The following MDM4 variants were observed in gnomAD, a reference collection of about 807,000 sequenced individuals.
MDM4 encodes the protein MDM4 regulator of p53, also known as protein Mdm4.
In MDM4, 2 loss-of-function variants were observed where a neutral mutation model predicts 60.2. That is an observed-to-expected ratio of 0.03 (90% CI 0.01 to 0.10). The LOEUF (loss-of-function observed/expected upper bound fraction) is 0.10. Ranked by LOEUF, MDM4 falls within the 10% of genes least tolerant of loss-of-function variation. The pLI is 1.00. For missense variants in MDM4, 447 were observed against 577.5 expected (o/e 0.77, Z 2.32); for synonymous variants, 202 against 198.1 (o/e 1.02, Z -0.17).
At chr1:204,529,190 G>C (rs1474559933) in intron 3 of MDM4, 4 of 771,110 alleles carry the variant, frequency 5.2e-6, no homozygotes, top group Non-Finnish European at 2.3e-6. Context: ...ACATTTATGT[G>C]GCCTGATTAG....
At chr1:204,539,044 T>G (rs1187852924) in intron 7 of MDM4, among the ~76,000 whole-genome samples, 2 of 152,022 alleles carry the variant, frequency 1.3e-5, no homozygotes, top group East Asian at 3.9e-4. Flanking sequence ...TAATTTTGTA[T>G]TTTTAGTAGA....
chr1:204,541,097 T>C (rs1662024257), intron 7 of MDM4, among the ~76,000 whole-genome samples: 1 of 152,240 alleles, frequency 6.6e-6, no homozygotes, highest in African/African-American at 2.4e-5. Context: ...TATTCCTTAA[T>C]GCAAATCCTT....
At chr1:204,527,643 CAAAA>C (rs55900130) in intron 3 of MDM4, among the ~76,000 whole-genome samples, 1 of 109,496 alleles carries the variant, frequency 9.1e-6, no homozygotes, top group African/African-American at 3.7e-5. Flanking sequence ...AACTCCATCT[CAAAA>C]AAAAAAAAAA....
intron 3 of MDM4, among the ~76,000 whole-genome samples, chr1:204,528,409 A>G (rs778759407): frequency 1.3e-5 from 2 of 152,194 alleles, no homozygotes; most frequent in Non-Finnish European, 2.9e-5. Flanking sequence ...GTCAGATTCC[A>G]CTTTGGAGAA....
chr1:204,526,360 G>A lies in MDM4; in HGVS notation c.79G>A (p.Val27Ile), dbSNP rs2102321116. 1.2e-6 allele frequency: 2 copies of A among 1,612,974 alleles called. No homozygotes were observed. Among genetic ancestry groups the A allele is most frequent in the East Asian group, 2.2e-5 (1 of 44,886 alleles). The part of the protein sequence containing the change: ...CRISPGQINQ[V>I]RPKLPLLKIL... ...CACATTTATTTTATGTTTATATCAG[G>A]TACGACCAAAACTGCCGCTTTTGAA... The change falls in exon 3 of 11, where the codon GTA (valine) becomes ATA (isoleucine). Residue 27 changes from valine (V) to isoleucine (I), a missense_variant and splice_region_variant. Physicochemically the swap from Val to Ile is conservative, Grantham distance 29. Around this residue, in one of 8 missense-constraint regions of MDM4, gnomAD observed 33 missense variants for 28.8 expected, o/e 1.15. Coordinates refer to ENST00000367182, the MANE Select transcript of MDM4 (RefSeq NM_002393.5).
chr1:204,546,348 T>A (rs1340531520), intron 9 of MDM4, among the ~76,000 whole-genome samples: 1 of 152,150 alleles, frequency 6.6e-6, no homozygotes, highest in Non-Finnish European at 1.5e-5. Flanking sequence ...ACTACAGGCG[T>A]GCACCACCAC....
chr1:204,522,406 T>G (rs1459207799), intron 1 of MDM4, among the ~76,000 whole-genome samples: 1 of 60,004 alleles, frequency 1.7e-5, no homozygotes, highest in Non-Finnish European at 3.2e-5. Context: ...TTTTAAATTT[T>G]TTTTTTTTTT....
At chr1:204,548,571 C>G (rs931608672) in intron 10 of MDM4, among the ~76,000 whole-genome samples, 3 of 152,166 alleles carry the variant, frequency 2.0e-5, no homozygotes, top group African/African-American at 7.2e-5. Flanking sequence ...AGGACAATAA[C>G]ATTTATTTTT....
At chr1:204,525,032 A>G (rs1010982899) in intron 1 of MDM4, among the ~76,000 whole-genome samples, 9 of 152,112 alleles carry the variant, frequency 5.9e-5, no homozygotes, top group African/African-American at 1.7e-4. Flanking sequence ...TTAACTTTCT[A>G]TGGTCCTTTG....
At chr1:204,535,822 T>G (rs1296616247) in intron 5 of MDM4, among the ~76,000 whole-genome samples, 3 of 151,970 alleles carry the variant, frequency 2.0e-5, no homozygotes, top group Admixed American at 1.3e-4. Flanking sequence ...ATTACAGGCG[T>G]GAGCCACCAC....
chr1:204,548,188 C>T (rs1188448009), intron 10 of MDM4, among the ~76,000 whole-genome samples: 1 of 152,248 alleles, frequency 6.6e-6, no homozygotes, highest in Non-Finnish European at 1.5e-5. Flanking sequence ...CACACCATCA[C>T]TCATGAATTC....
chr1:204,519,502 C>G (rs1240468655), intron 1 of MDM4, among the ~76,000 whole-genome samples: 2 of 151,866 alleles, frequency 1.3e-5, no homozygotes, highest in Non-Finnish European at 2.9e-5. Flanking sequence ...AGCGAAACTC[C>G]GTCTCAAAAA....
rs773979611 is a variant in MDM4, at chr1:204,554,455, G to C, written c.*4773G>C. ...GCTACCTTTGCTAAAAATGGCCATA[G>C]ATTAGGAACTAGCTATGTTTTTAGA... On this transcript the variant is annotated 3_prime_UTR_variant, in exon 11 of 11. Coordinates refer to ENST00000367182, the MANE Select transcript of MDM4 (RefSeq NM_002393.5). 1.3e-5 allele frequency: 3 copies of C among 225,862 alleles called. No homozygotes were observed. Among genetic ancestry groups the C allele is most frequent in the Non-Finnish European group, 2.6e-5 (3 of 113,546 alleles). 14.0% of individuals were successfully genotyped at this position (225,862 alleles called of 1,614,324 possible).
intron 1 of MDM4, among the ~76,000 whole-genome samples, chr1:204,523,110 TCCTC>T (rs1176734074): frequency 1.3e-5 from 2 of 149,416 alleles, no homozygotes; most frequent in African/African-American, 4.9e-5. Flanking sequence ...TGATCCACCT[TCCTC>T]AGCCTCCCAA....
At position 204,556,803 on chromosome 1, in the gene MDM4, T is replaced by C. The variant is rs1458710580; in HGVS notation, c.*7121T>C. 2 of 212,940 alleles carry C rather than the reference T, an allele frequency of 9.4e-6. No individual in the cohort carries two copies. The highest frequency in any genetic ancestry group is 1.9e-5 in the Non-Finnish European group (2 of 105,274). 13.2% of individuals were successfully genotyped at this position (212,940 alleles called of 1,614,324 possible). ...ATCGAAGTGTTTCTTTTGGGTTTTT[T>C]TTTCCCCCTTTTAAAATCAACAGGA... On this transcript the variant is annotated 3_prime_UTR_variant, in exon 11 of 11. Coordinates refer to ENST00000367182, the MANE Select transcript of MDM4 (RefSeq NM_002393.5).
In MDM4 at chr1:204,526,415, A is replaced by C. The variant is rs1420607588; in HGVS notation, c.134A>C (p.Glu45Ala). The C allele has an allele frequency of 6.2e-7, 1 of 1,613,746 alleles. No individual in the cohort carries two copies. The highest frequency in any genetic ancestry group is 1.3e-5 in the African/African-American group (1 of 74,902). The change falls in exon 3 of 11, where the codon GAA (glutamate) becomes GCA (alanine). Residue 45 changes from glutamate (E) to alanine (A), a missense_variant. Glu to Ala is a moderately radical substitution (Grantham distance 107, BLOSUM62 -1). Coordinates refer to ENST00000367182, the MANE Select transcript of MDM4 (RefSeq NM_002393.5). ...TTGCATGCAGCAGGTGCGCAAGGTG[A>C]AATGTTCACTGTTAAAGAGGTAAGC... ...KILHAAGAQG[E>A]MFTVKEVMHY...
At position 204,551,480 on chromosome 1, in the gene MDM4, T is replaced by A; in HGVS notation, c.*1798T>A. On this transcript the variant is annotated 3_prime_UTR_variant, in exon 11 of 11. Coordinates refer to ENST00000367182, the MANE Select transcript of MDM4 (RefSeq NM_002393.5). ...CAGCCTCTTTTTTTTTTTTTTTTTTTTTTTTTTTTTGGAGGATAGGGAGTA... is the reference window on the plus strand; with the variant it reads ...CAGCCTCTTTTTTTTTTTTTTTTTTATTTTTTTTTTGGAGGATAGGGAGTA... The A allele has an allele frequency of 4.7e-6, 1 of 213,714 alleles. No individual in the cohort carries two copies. Among genetic ancestry groups the A allele is most frequent in the East Asian group, 6.7e-5 (1 of 15,010 alleles). 13.2% of individuals were successfully genotyped at this position (213,714 alleles called of 1,614,324 possible).
At chr1:204,533,922 A>G (rs1450045297) in intron 5 of MDM4, among the ~76,000 whole-genome samples, 2 of 152,140 alleles carry the variant, frequency 1.3e-5, no homozygotes, top group South Asian at 2.1e-4. Flanking sequence ...AGCTAGGACT[A>G]TAGGTGCATG....
At chr1:204,546,645 G>C (rs1443749240) in intron 9 of MDM4, 152 bp from the exon 10 acceptor site, 2 of 560,380 alleles carry the variant, frequency 3.6e-6, no homozygotes, top group African/African-American at 1.9e-5. Context: ...AGAATCATGT[G>C]TTTGGTCTTG....
Sources: allele counts gnomAD v4.1 joint callset (sites outside exome capture counted in the v4.1 genomes callset), GRCh38; gene constraint gnomAD v4.1.1; regional missense constraint gnomAD v4.1.1; transcripts MANE v1.5; gene names NCBI Gene and HGNC (gene_info 2026-07-23, HGNC 2026-07-21).